RYR2: variants seen among roughly 807,000 people sequenced by gnomAD.
RYR2 encodes ryanodine receptor 2.
RYR2 carries 227 observed loss-of-function variants against 601.1 expected under a neutral mutation model. That is an observed-to-expected ratio of 0.38 (90% confidence interval 0.34 to 0.42). RYR2 has a LOEUF of 0.42. Among genes scored for constraint, RYR2 ranks in the 10% least tolerant of loss-of-function variants. The pLI is 1.00. For missense variants in RYR2, 4,646 were observed against 6,156.5 expected, an observed-to-expected ratio of 0.75 and a Z score of 8.21; for synonymous variants, 2,223 against 2,175.1, an observed-to-expected ratio of 1.02 and a Z score of -0.61.
At chr1:237,579,770 G>T (rs1673684429) in intron 29 of RYR2, among the ~76,000 whole-genome samples, 1 of 152,034 alleles carries the variant, frequency 6.6e-6, no homozygotes, top group Non-Finnish European at 1.5e-5. Context: ...CTTCAGTTTG[G>T]TTGTTAACCT....
intron 1 of RYR2, among the ~76,000 whole-genome samples, chr1:237,257,429 T>A (rs144723647): frequency 1.0e-3 from 155 of 152,338 alleles, no homozygotes; most frequent in African/African-American, 3.7e-3. Context: ...CTTTGCTATT[T>A]CATTGAGATA....
At chr1:237,657,835 GTTAAAA>G (rs1404844275) in intron 53 of RYR2, 103 bp from the exon 54 acceptor site, 1 of 584,464 alleles carries the variant, frequency 1.7e-6, no homozygotes, top group East Asian at 3.4e-5. Flanking sequence ...GTGTTTAACA[GTTAAAA>G]TTGAATGAGA....
intron 35 of RYR2, among the ~76,000 whole-genome samples, chr1:237,605,713 G>T (rs1319882322): frequency 6.6e-6 from 1 of 151,904 alleles, no homozygotes; most frequent in Non-Finnish European, 1.5e-5. Context: ...AGCAACTTCA[G>T]CAAAGTCTCA....
Position 237,784,452 on chromosome 1 carries a change from C to T in RYR2, c.12740C>T (p.Ala4247Val), listed in dbSNP as rs1282499546. ...SILTVRSALF[A>V]LRYNILTLMR... ...CTGACGGTCAGGTCGGCCCTGTTTG[C>T]GCTCAGGTACAATATCTTGACCCTT... The change falls in exon 90 of 105, where the codon GCG becomes GTG. Residue 4247 changes from alanine to valine, a missense_variant. Physicochemically the swap from Ala to Val is moderately conservative, Grantham distance 64 (BLOSUM62 0). Coordinates refer to ENST00000366574, the MANE Select transcript of RYR2 (RefSeq NM_001035.3). The surrounding 1 kb of genome is among the most constrained non-coding windows in gnomAD (Gnocchi z 7.1). 2.5e-6 allele frequency: 4 copies of T among 1,613,422 alleles called. No individual in the cohort carries two copies. The highest frequency in any genetic ancestry group is 1.3e-5 in the African/African-American group (1 of 74,854).
intron 101 of RYR2, among the ~76,000 whole-genome samples, chr1:237,826,602 C>T (rs1663118667): frequency 6.6e-6 from 1 of 151,870 alleles, no homozygotes; most frequent in East Asian, 1.9e-4. Flanking sequence ...GTGTAACAAA[C>T]CTGCACGTTC....
At position 237,074,808 on chromosome 1, in the gene RYR2, C is replaced by T. The variant is rs1188126463; in HGVS notation, c.48+32239C>T. On this transcript the variant is annotated intron_variant, in intron 1 of 104. Coordinates refer to ENST00000366574, the MANE Select transcript of RYR2 (RefSeq NM_001035.3). The stretch of plus-strand genomic sequence containing the variant: ...TTCAGGCGATGTTACGTTGGTGTGA[C>T]TGGAACTATTGTTATATTATTAAAC... Among the ~76,000 whole-genome samples the T allele has an allele frequency of 2.0e-5, 3 of 152,228 alleles. No homozygotes were observed. In the South Asian group the frequency reaches 6.2e-4, roughly 32 times the overall value.
intron 92 of RYR2, among the ~76,000 whole-genome samples, chr1:237,791,154 C>T (rs1658337208): frequency 6.6e-6 from 1 of 152,238 alleles, no homozygotes; most frequent in Non-Finnish European, 1.5e-5. Context: ...CCCCTATTCC[C>T]TAAGCTCCTA....
intron 1 of RYR2, among the ~76,000 whole-genome samples, chr1:237,081,280 T>TAAAAAAAAAAAA (rs397815900): frequency 1.8e-5 from 1 of 56,272 alleles, no homozygotes; most frequent in African/African-American, 4.7e-5. Flanking sequence ...TAGAGTATAA[T>TAAAAAAAAAAAA]AAAAAAAAAA....
intron 1 of RYR2, among the ~76,000 whole-genome samples, chr1:237,125,423 T>TAAAA (rs35773659): frequency 2.3e-5 from 3 of 130,162 alleles, no homozygotes; most frequent in African/African-American, 8.4e-5. Flanking sequence ...GCTGTTTTGC[T>TAAAA]AAAAAAAAAA....
At chr1:237,642,544 T>G (rs1681669362) in intron 47 of RYR2, among the ~76,000 whole-genome samples, 1 of 152,212 alleles carries the variant, frequency 6.6e-6, no homozygotes, top group African/African-American at 2.4e-5. Context: ...ATTATATTAA[T>G]GGGGGAAAAC....
At chr1:237,297,092 G>T (rs1369881134) in intron 2 of RYR2, among the ~76,000 whole-genome samples, 1 of 152,022 alleles carries the variant, frequency 6.6e-6, no homozygotes, top group Admixed American at 6.6e-5. Flanking sequence ...AAAAAATCAG[G>T]GATGTAAAAG....
chr1:237,696,428 C>T lies in RYR2; in HGVS notation c.9068-2537C>T, dbSNP rs563435627. Among the ~76,000 whole-genome samples, 3 of 151,934 alleles carry T rather than the reference C, an allele frequency of 2.0e-5. No individual in the cohort carries two copies. The South Asian group carries it at 6.2e-4, about 32-fold the overall frequency. ...AGGCCCTAGGCCTTTTTTCTTCTTA[C>T]TTATATTCATGCTGGCTAGTTTCAT... On this transcript the variant is annotated intron_variant, in intron 63 of 104. Transcript: ENST00000366574.
At chr1:237,759,506 C>T (rs1396700756) in intron 82 of RYR2, among the ~76,000 whole-genome samples, 1 of 152,076 alleles carries the variant, frequency 6.6e-6, no homozygotes, top group Non-Finnish European at 1.5e-5. Flanking sequence ...TAAGAGTGAC[C>T]AGGAGAGAAT....
chr1:237,097,345 G>A (rs1373228007), intron 1 of RYR2, among the ~76,000 whole-genome samples: 1 of 152,188 alleles, frequency 6.6e-6, no homozygotes, highest in Non-Finnish European at 1.5e-5. Flanking sequence ...AGATCCAGGA[G>A]ACTCTCTCCT....
chr1:237,604,958 AC>A (rs950164194), intron 35 of RYR2, among the ~76,000 whole-genome samples: 4 of 152,184 alleles, frequency 2.6e-5, no homozygotes, highest in Non-Finnish European at 5.9e-5. Context: ...AAAGTCCAGG[AC>A]CAGACAGATT....
intron 104 of RYR2, among the ~76,000 whole-genome samples, chr1:237,831,857 A>G (rs1263566299): frequency 7.9e-5 from 4 of 50,444 alleles, no homozygotes; most frequent in African/African-American, 2.6e-4. Flanking sequence ...TTATTGCATA[A>G]TGTCTTTGTT....
chr1:237,461,698 T>G (rs1659499447), intron 16 of RYR2, among the ~76,000 whole-genome samples: 1 of 150,756 alleles, frequency 6.6e-6, no homozygotes, highest in Admixed American at 6.6e-5. Context: ...ATAGCAAAAG[T>G]AAAAACTGAA....
At chr1:237,413,049 G>C (rs1704601255) in intron 10 of RYR2, among the ~76,000 whole-genome samples, 1 of 152,052 alleles carries the variant, frequency 6.6e-6, no homozygotes, top group Non-Finnish European at 1.5e-5. Flanking sequence ...CTTTATGAAG[G>C]ACTGAAATTC....
intron 16 of RYR2, among the ~76,000 whole-genome samples, chr1:237,462,806 C>T (rs74147282): frequency 0.05 from 7,560 of 152,174 alleles, 605 homozygotes; most frequent in African/African-American, 0.17. Context: ...ATGCACAGAT[C>T]GGTGTTATTC....
Sources: gnomAD v4.1 joint callset for allele counts (sites outside exome capture counted in the v4.1 genomes callset) on GRCh38, gnomAD v4.1.1 for gene constraint, Gnocchi (gnomAD v3.1) non-coding constraint, MANE v1.5 for transcripts, NCBI Gene and HGNC (gene_info 2026-07-23, HGNC 2026-07-21) for gene names.